Variants in IMMP2L observed in about 807,000 individuals in gnomAD.
IMMP2L encodes mitochondrial inner membrane protease subunit 2.
A neutral mutation model predicts 19.3 loss-of-function variants in IMMP2L; 18 were observed. The ratio of observed to expected loss-of-function variants is 0.93; its 90% CI spans 0.64 to 1.38. The LOEUF (loss-of-function observed/expected upper bound fraction) is 1.38. IMMP2L is among the 40% of genes most tolerant of loss of function. IMMP2L has a pLI of 0.00. For synonymous variants in IMMP2L, 76 were observed against 73.0 expected (o/e 1.04, Z -0.21); for missense variants, 233 against 218.2 (o/e 1.07, Z -0.43).
At chr7:111,117,778 G>T (rs1278623870) in intron 3 of IMMP2L, among the ~76,000 whole-genome samples, 2 of 151,990 alleles carry the variant, frequency 1.3e-5, no homozygotes, top group African/African-American at 2.4e-5. Flanking sequence ...ATTTGCTATA[G>T]AAGAAAAGGA....
chr7:111,400,090 T>C (rs1356886879), intron 3 of IMMP2L, among the ~76,000 whole-genome samples: 1 of 152,118 alleles, frequency 6.6e-6, no homozygotes, highest in African/African-American at 2.4e-5. Context: ...CCTCTCAACG[T>C]ATCTGATCAC....
In IMMP2L at chr7:111,432,590, C is replaced by A. The variant is rs1310917216; in HGVS notation, c.239+54648G>T. On this transcript the variant is annotated intron_variant, in intron 3 of 5. Coordinates refer to ENST00000405709, the MANE Select transcript of IMMP2L (RefSeq NM_032549.4). ...TCAACATAATAAAGGCCATATATGACAAACCCACAGCCAACATTTTACTTA... is the reference window on the plus strand; with the variant it reads ...TCAACATAATAAAGGCCATATATGAAAAACCCACAGCCAACATTTTACTTA... Among the ~76,000 whole-genome samples the A allele has an allele frequency of 2.0e-5, 3 of 151,582 alleles. 1 individual carries two copies. Among genetic ancestry groups the A allele is most frequent in the East Asian group, 1.9e-4 (1 of 5,172 alleles).
intron 5 of IMMP2L, among the ~76,000 whole-genome samples, chr7:110,860,663 T>C (rs1276340370): frequency 2.0e-5 from 3 of 152,124 alleles, no homozygotes; most frequent in Non-Finnish European, 2.9e-5. Flanking sequence ...ACCGCACTGA[T>C]GCTGCAACTA....
chr7:111,143,753 A>G (rs1379192533), intron 3 of IMMP2L, among the ~76,000 whole-genome samples: 1 of 152,186 alleles, frequency 6.6e-6, no homozygotes, highest in Non-Finnish European at 1.5e-5. Flanking sequence ...TGAGGGCCAT[A>G]TGAATCTCAG....
chr7:110,942,088 T>C (rs17527832), intron 4 of IMMP2L, among the ~76,000 whole-genome samples: 71,263 of 151,792 alleles, frequency 0.47, 18,195 homozygotes, highest in Non-Finnish European at 0.58. Flanking sequence ...TTGGTTGCTC[T>C]AGGTTATTTG....
At chr7:111,541,327 G>A (rs1315316908) in intron 1 of IMMP2L, among the ~76,000 whole-genome samples, 1 of 152,014 alleles carries the variant, frequency 6.6e-6, no homozygotes, top group Admixed American at 6.6e-5. Context: ...TAAATTTCTT[G>A]TCTGATCTTT....
At chr7:111,502,868 G>A (rs1317166557) in intron 2 of IMMP2L, among the ~76,000 whole-genome samples, 1 of 149,782 alleles carries the variant, frequency 6.7e-6, no homozygotes, top group Non-Finnish European at 1.5e-5. Flanking sequence ...AGAGAAAGCA[G>A]GAAAGATCCA....
intron 3 of IMMP2L, among the ~76,000 whole-genome samples, chr7:111,050,150 C>T (rs573177341): frequency 1.3e-5 from 2 of 152,302 alleles, no homozygotes; most frequent in South Asian, 4.1e-4. Context: ...ATTCAATAAG[C>T]ACTCACTGGA....
intron 3 of IMMP2L, among the ~76,000 whole-genome samples, chr7:111,005,989 C>T (rs1415665400): frequency 6.6e-6 from 1 of 151,854 alleles, no homozygotes; most frequent in East Asian, 1.9e-4. Context: ...AGCCATGGGC[C>T]CCTTGGTCAA....
intron 3 of IMMP2L, among the ~76,000 whole-genome samples, chr7:111,307,518 G>C (rs921691694): frequency 7.3e-5 from 11 of 151,642 alleles, no homozygotes; most frequent in African/African-American, 2.7e-4. Flanking sequence ...GAAGGTTCCA[G>C]AGTGATACTT....
chr7:111,085,608 G>A (rs1470741227), intron 3 of IMMP2L, among the ~76,000 whole-genome samples: 2 of 152,048 alleles, frequency 1.3e-5, no homozygotes, highest in African/African-American at 4.8e-5. Context: ...TCACATGATT[G>A]TTGGCTGCAC....
At chr7:110,913,941 C>G (rs1813318069) in intron 4 of IMMP2L, among the ~76,000 whole-genome samples, 1 of 152,114 alleles carries the variant, frequency 6.6e-6, no homozygotes, top group African/African-American at 2.4e-5. Context: ...GTAAAGTTTT[C>G]TCAGGTGTTT....
At chr7:110,879,778 C>G (rs781590737) in intron 5 of IMMP2L, among the ~76,000 whole-genome samples, 7 of 152,102 alleles carry the variant, frequency 4.6e-5, no homozygotes, top group African/African-American at 1.7e-4. Flanking sequence ...TTTCCCATTC[C>G]TACATCTTTT....
chr7:111,178,622 T>G (rs1381710843), intron 3 of IMMP2L, among the ~76,000 whole-genome samples: 1 of 152,106 alleles, frequency 6.6e-6, no homozygotes, highest in Non-Finnish European at 1.5e-5. Context: ...TTCTAAGTCC[T>G]TTGTTGTCAC....
chr7:110,905,323 A>G (rs1036557840), intron 4 of IMMP2L, among the ~76,000 whole-genome samples: 1 of 152,190 alleles, frequency 6.6e-6, no homozygotes, highest in Non-Finnish European at 1.5e-5. Flanking sequence ...TAAGAATAAC[A>G]TGCTAGGATT....
Position 110,946,990 on chromosome 7 carries a change from GATTA to G in IMMP2L, c.305+16506_305+16509del, listed in dbSNP as rs1684235890. ...CTGCTTCGGCCTCCCAAAGTGCTGG[GATTA>G]CAGGCGTGAGCCACCGCGCCTGGCC... On this transcript the variant is annotated intron_variant, in intron 4 of 5. Transcript: ENST00000405709. Among the ~76,000 whole-genome samples, 3 of 152,194 alleles carry G rather than the reference GATTA, an allele frequency of 2.0e-5. No homozygotes were observed. The East Asian group carries it at 5.8e-4, about 29-fold the overall frequency.
At chr7:111,298,628 T>C (rs1156254833) in intron 3 of IMMP2L, among the ~76,000 whole-genome samples, 1 of 151,842 alleles carries the variant, frequency 6.6e-6, no homozygotes, top group Non-Finnish European at 1.5e-5. Flanking sequence ...TGGTGGCAGG[T>C]GCCTGTAGTT....
At chr7:111,485,266 T>C (rs1231464782) in intron 3 of IMMP2L, among the ~76,000 whole-genome samples, 1 of 152,112 alleles carries the variant, frequency 6.6e-6, no homozygotes, top group Admixed American at 6.6e-5. Context: ...TTTGTGTTAT[T>C]TGTACATGAC....
intron 3 of IMMP2L, among the ~76,000 whole-genome samples, chr7:111,075,220 G>C (rs113223005): frequency 1.4e-5 from 2 of 147,470 alleles, no homozygotes; most frequent in African/African-American, 5.0e-5. Flanking sequence ...TCCACCTCCC[G>C]GGTTCAAGTG....
Sources: allele counts gnomAD v4.1 joint callset (sites outside exome capture counted in the v4.1 genomes callset), GRCh38; gene constraint gnomAD v4.1.1; transcripts MANE v1.5; gene names NCBI Gene and HGNC (gene_info 2026-07-23, HGNC 2026-07-21).